Variants in ROBO2 observed in about 807,000 individuals in gnomAD.
The protein encoded by ROBO2 is roundabout guidance receptor 2.
Under a neutral mutation model 160.8 loss-of-function variants are expected in ROBO2, and 53 were observed. The observed-to-expected ratio is 0.33, with a 90% CI of 0.26 to 0.41. The LOEUF (loss-of-function observed/expected upper bound fraction) is 0.41, where lower values mean the gene tolerates loss of function less well. Ranked by LOEUF, ROBO2 falls within the 10% of genes least tolerant of loss-of-function variation. The probability of loss-of-function intolerance (pLI) is 1.00; values close to 1 mark genes in which losing one functional copy is unlikely to be tolerated. For synonymous variants in ROBO2, 664 were observed against 611.7 expected (o/e 1.09, Z -1.26); for missense variants, 1,577 against 1,722.4 (o/e 0.92, Z 1.49).
chr3:76,280,830 T>A (rs1165714468), intron 2 of ROBO2, among the ~76,000 whole-genome samples: 1 of 151,946 alleles, frequency 6.6e-6, no homozygotes, highest in African/African-American at 2.4e-5. Context: ...CAAAATTCCA[T>A]CAAGTAAGTG....
chr3:77,644,951 C>G, intron 25 of ROBO2, 47 bp downstream of exon 27: 1 of 1,582,528 alleles, frequency 6.3e-7, no homozygotes, highest in Non-Finnish European at 8.7e-7. Flanking sequence ...CAGAAAGAAT[C>G]TTGGGTTAAT....
intron 2 of ROBO2, among the ~76,000 whole-genome samples, chr3:76,753,706 G>A (rs766444375): frequency 6.6e-6 from 1 of 151,640 alleles, no homozygotes; most frequent in East Asian, 1.9e-4. Flanking sequence ...AAGACAGAAC[G>A]CTCCAATATT....
chr3:76,673,723 T>C (rs1198890812), intron 2 of ROBO2, among the ~76,000 whole-genome samples: 1 of 152,134 alleles, frequency 6.6e-6, no homozygotes, highest in Non-Finnish European at 1.5e-5. Context: ...ATCGTTTTTT[T>C]TTAGCAAGGT....
intron 2 of ROBO2, among the ~76,000 whole-genome samples, chr3:76,742,136 G>A (rs1433386294): frequency 6.6e-6 from 1 of 152,004 alleles, no homozygotes; most frequent in Non-Finnish European, 1.5e-5. Context: ...TAGATTTCCT[G>A]ACAATGATCA....
chr3:76,549,131 C>T (rs2083275596), intron 2 of ROBO2, among the ~76,000 whole-genome samples: 1 of 152,086 alleles, frequency 6.6e-6, no homozygotes, highest in East Asian at 1.9e-4. Context: ...ATATTTTTTA[C>T]TGGGAATTTG....
rs555166134 is a variant in ROBO2, at chr3:77,122,219, A to C, written c.388+23879A>C. On this transcript the variant is annotated intron_variant, in intron 2 of 25. Transcript: ENST00000461745. ...ATGAAGTAGATAACTATTTTTAAACACTGAAAGGTGTGTGTGTGTGTTTAT... is the reference window on the plus strand; with the variant it reads ...ATGAAGTAGATAACTATTTTTAAACCCTGAAAGGTGTGTGTGTGTGTTTAT... Among the ~76,000 whole-genome samples, 100 of 152,048 alleles carry C rather than the reference A, an allele frequency of 6.6e-4. 1 individual carries two copies. The highest frequency in any genetic ancestry group is 2.3e-3 in the African/African-American group (96 of 41,500).
intron 2 of ROBO2, among the ~76,000 whole-genome samples, chr3:77,234,640 C>A (rs1560303154): frequency 6.6e-6 from 1 of 152,112 alleles, no homozygotes; most frequent in Non-Finnish European, 1.5e-5. Flanking sequence ...TAATATTTTT[C>A]AATTAAATGT....
chr3:76,750,580 A>T (rs1360975704), intron 2 of ROBO2, among the ~76,000 whole-genome samples: 1 of 152,158 alleles, frequency 6.6e-6, no homozygotes, highest in Admixed American at 6.6e-5. Flanking sequence ...CCTTAAGCTG[A>T]TAAGCAACTT....
chr3:75,928,573 C>G (rs17013612), intron 1 of ROBO2, among the ~76,000 whole-genome samples: 16,306 of 152,186 alleles, frequency 0.11, 945 homozygotes, highest in South Asian at 0.14. Context: ...TTCTTGATTT[C>G]CTGCCAGTGG....
At chr3:76,128,192 C>G (rs1468031599) in intron 2 of ROBO2, among the ~76,000 whole-genome samples, 2 of 152,086 alleles carry the variant, frequency 1.3e-5, no homozygotes, top group African/African-American at 4.8e-5. Flanking sequence ...CCGCACCCCA[C>G]CTGAAGAATG....
At chr3:75,995,412 G>A (rs1049026088) in intron 2 of ROBO2, among the ~76,000 whole-genome samples, 2 of 152,292 alleles carry the variant, frequency 1.3e-5, no homozygotes, top group African/African-American at 2.4e-5. Flanking sequence ...ACTTAAGGGT[G>A]ATGTTGGGCC....
At chr3:77,117,054 C>A (rs76311499) in intron 2 of ROBO2, among the ~76,000 whole-genome samples, 8,370 of 152,172 alleles carry the variant, frequency 0.055, 374 homozygotes, top group African/African-American at 0.12. Context: ...ACGAGTTCTG[C>A]ACCTATACTT....
intron 2 of ROBO2, among the ~76,000 whole-genome samples, chr3:77,101,245 A>G (rs1431238931): frequency 6.6e-6 from 1 of 152,246 alleles, no homozygotes; most frequent in Non-Finnish European, 1.5e-5. Context: ...TTTAGGAATT[A>G]TAAACTATGT....
exon 1 of ROBO2, chr3:77,040,624 C>T: frequency 6.7e-7 from 1 of 1,496,700 alleles, no homozygotes; most frequent in Non-Finnish European, 8.8e-7. Context: ...CGAGACCTCT[C>T]CACCAACCCC....
intron 2 of ROBO2, among the ~76,000 whole-genome samples, chr3:76,840,391 C>T (rs937256457): frequency 2.6e-5 from 4 of 151,286 alleles, no homozygotes; most frequent in African/African-American, 7.3e-5. Context: ...AGGCGGATCA[C>T]GAGGTCAGGA....
chr3:75,973,428 C>T (rs1358347997), intron 2 of ROBO2, among the ~76,000 whole-genome samples: 1 of 151,458 alleles, frequency 6.6e-6, no homozygotes, highest in East Asian at 2.0e-4. Flanking sequence ...AAACAATCAT[C>T]TTAAGGGAAT....
At position 77,503,401 on chromosome 3, in the gene ROBO2, G is replaced by A. The variant is rs535889884; in HGVS notation, c.806+10019G>A. On this transcript the variant is annotated intron_variant, in intron 5 of 25. Transcript: ENST00000461745. ...TTAGCCAGGCGTGGTGGCGGCGCCTGTAGTCCCAGTTACTCGGGAGGCTGA... is the reference window on the plus strand; with the variant it reads ...TTAGCCAGGCGTGGTGGCGGCGCCTATAGTCCCAGTTACTCGGGAGGCTGA... Among the ~76,000 whole-genome samples the A allele has an allele frequency of 1.3e-4, 20 of 151,288 alleles. 1 individual carries two copies. The highest frequency in any genetic ancestry group is 3.9e-4 in the African/African-American group (16 of 41,398).
chr3:76,332,752 T>C (rs1274385203), intron 2 of ROBO2, among the ~76,000 whole-genome samples: 1 of 152,216 alleles, frequency 6.6e-6, no homozygotes. Flanking sequence ...AAATAATTTT[T>C]TTTTCCTTCA....
chr3:76,933,296 TCATG>T (rs1308672073), intron 2 of ROBO2, among the ~76,000 whole-genome samples: 1 of 152,234 alleles, frequency 6.6e-6, no homozygotes, highest in African/African-American at 2.4e-5. Flanking sequence ...AGTTATCCTA[TCATG>T]CCAGATATAG....
Sources: allele counts gnomAD v4.1 joint callset (sites outside exome capture counted in the v4.1 genomes callset), GRCh38; gene constraint gnomAD v4.1.1; transcripts MANE v1.5; gene names NCBI Gene and HGNC (gene_info 2026-07-23, HGNC 2026-07-21).